The following FKBP5 variants were observed in gnomAD, a reference collection of about 807,000 sequenced individuals.
FKBP5 encodes the protein peptidyl-prolyl cis-trans isomerase FKBP5.
A neutral mutation model predicts 50.5 loss-of-function variants in FKBP5; 23 were observed. The observed-to-expected ratio is 0.46, with a 90% CI of 0.33 to 0.65. The LOEUF (loss-of-function observed/expected upper bound fraction) is 0.65. Ranked by LOEUF, FKBP5 falls within the 30% of genes least tolerant of loss-of-function variation. The pLI, the probability that FKBP5 is intolerant of heterozygous loss-of-function variation, is 0.02. For synonymous variants in FKBP5, 176 were observed against 190.6 expected (o/e 0.92, Z 0.63); for missense variants, 411 against 553.1 (o/e 0.74, Z 2.58).
At chr6:35,703,600 G>C (rs1208963075) in intron 2 of FKBP5, among the ~76,000 whole-genome samples, 2 of 152,134 alleles carry the variant, frequency 1.3e-5, no homozygotes, top group African/African-American at 2.4e-5. Flanking sequence ...AGCATATGTA[G>C]TTGTCTTTGA....
chr6:35,589,097 T>C (rs1420104769), intron 7 of FKBP5, among the ~76,000 whole-genome samples: 1 of 132,304 alleles, frequency 7.6e-6, no homozygotes, highest in Non-Finnish European at 1.6e-5. Flanking sequence ...TATTTTTATA[T>C]ATATATATAT....
chr6:35,602,090 C>T (rs977864189), intron 5 of FKBP5, among the ~76,000 whole-genome samples: 2 of 152,122 alleles, frequency 1.3e-5, no homozygotes, highest in African/African-American at 4.8e-5. Context: ...ACAGAACACC[C>T]TGTTCTGAAT....
chr6:35,672,929 C>T (rs1173904310), intron 1 of FKBP5, among the ~76,000 whole-genome samples: 1 of 112,568 alleles, frequency 8.9e-6, no homozygotes, highest in Non-Finnish European at 1.9e-5. Context: ...GACTCCGTCT[C>T]AAAAAAAAAA....
chr6:35,715,973 T>A (rs568064633), intron 2 of FKBP5, among the ~76,000 whole-genome samples: 1 of 152,098 alleles, frequency 6.6e-6, no homozygotes, highest in South Asian at 2.1e-4. Flanking sequence ...ATGGAAAGGA[T>A]AGGGCAAGAA....
chr6:35,685,090 A>C (rs1765785729), intron 1 of FKBP5, among the ~76,000 whole-genome samples: 1 of 152,160 alleles, frequency 6.6e-6, no homozygotes. Flanking sequence ...GTAAATACTA[A>C]ATTAAGCATA....
chr6:35,691,982 C>T (rs1162214990), upstream of FKBP5, among the ~76,000 whole-genome samples: 1 of 152,176 alleles, frequency 6.6e-6, no homozygotes, highest in Non-Finnish European at 1.5e-5. Flanking sequence ...GCCCTGCACT[C>T]TCATTTTTCA....
intron 2 of FKBP5, among the ~76,000 whole-genome samples, chr6:35,701,274 C>G (rs563721187): frequency 2.8e-5 from 4 of 145,002 alleles, no homozygotes; most frequent in African/African-American, 1.0e-4. Context: ...GACGGAGTCT[C>G]GCTCTGTCGC....
intron 2 of FKBP5, among the ~76,000 whole-genome samples, chr6:35,717,230 G>A (rs1362958040): frequency 6.6e-6 from 1 of 152,204 alleles, no homozygotes; most frequent in East Asian, 1.9e-4. Flanking sequence ...ACCAACAACT[G>A]AGCCCACATT....
At chr6:35,628,999 G>A (rs1237856563) in intron 3 of FKBP5, among the ~76,000 whole-genome samples, 1 of 152,192 alleles carries the variant, frequency 6.6e-6, no homozygotes, top group African/African-American at 2.4e-5. Context: ...TTACAGGCAT[G>A]AGCCACCACG....
At chr6:35,618,962 C>G (rs1763741696) in intron 5 of FKBP5, 134 bp downstream of exon 5, 6 of 626,576 alleles carry the variant, frequency 9.6e-6, no homozygotes, top group Non-Finnish European at 1.7e-5. Context: ...TCCCAAAGTG[C>G]TGGGATTACA....
At chr6:35,628,413 TA>T (rs1764061549) in intron 3 of FKBP5, among the ~76,000 whole-genome samples, 1 of 152,132 alleles carries the variant, frequency 6.6e-6, no homozygotes, top group Non-Finnish European at 1.5e-5. Flanking sequence ...ACAAGAAAGG[TA>T]AATATTTTAA....
chr6:35,646,197 C>T (rs910933583), intron 1 of FKBP5, among the ~76,000 whole-genome samples: 3 of 152,176 alleles, frequency 2.0e-5, no homozygotes, highest in Non-Finnish European at 4.4e-5. Context: ...TGTTTAAATT[C>T]GAGTAAATAG....
intron 5 of FKBP5, among the ~76,000 whole-genome samples, chr6:35,605,545 T>A (rs976473384): frequency 6.6e-6 from 1 of 151,870 alleles, no homozygotes. Context: ...TACAGGTGCA[T>A]GCCACTATGT....
At chr6:35,710,889 A>T (rs1300965288) in intron 2 of FKBP5, among the ~76,000 whole-genome samples, 9 of 152,252 alleles carry the variant, frequency 5.9e-5, no homozygotes, top group Admixed American at 5.9e-4. Flanking sequence ...AGAAGCCAAG[A>T]TACAAAAGAG....
upstream of FKBP5, among the ~76,000 whole-genome samples, chr6:35,689,129 C>T (rs758440508): frequency 2.1e-4 from 32 of 152,328 alleles, no homozygotes; most frequent in Middle Eastern, 3.4e-3. Context: ...CACCTCCCCA[C>T]GCCAGCCCAC....
chr6:35,719,033 T>C (rs1766560612), intron 2 of FKBP5, among the ~76,000 whole-genome samples: 1 of 152,058 alleles, frequency 6.6e-6, no homozygotes, highest in African/African-American at 2.4e-5. Context: ...CAGCTGGCCC[T>C]CCCCTTGCCC....
intron 1 of FKBP5, among the ~76,000 whole-genome samples, chr6:35,725,052 A>G (rs1033043665): frequency 5.3e-5 from 8 of 152,220 alleles, no homozygotes; most frequent in African/African-American, 1.4e-4. Context: ...TTAGCCATCA[A>G]TGTGAATAAT....
intron 2 of FKBP5, among the ~76,000 whole-genome samples, chr6:35,708,109 C>G (rs930813348): frequency 2.6e-5 from 4 of 152,174 alleles, no homozygotes; most frequent in Non-Finnish European, 2.9e-5. Flanking sequence ...AATTCCACTT[C>G]TAGGAATTTT....
chr6:35,581,675 A>G, intron 8 of FKBP5: 1 of 985,478 alleles, frequency 1.0e-6, no homozygotes. Flanking sequence ...AAATGAAAGC[A>G]CTGGGGAATC....
Sources: gnomAD v4.1 joint callset for allele counts (sites outside exome capture counted in the v4.1 genomes callset) on GRCh38, gnomAD v4.1.1 for gene constraint, MANE v1.5 for transcripts, NCBI Gene and HGNC (gene_info 2026-07-23, HGNC 2026-07-21) for gene names.